BAZ2B: variants seen among roughly 807,000 people sequenced by gnomAD.
BAZ2B encodes the protein bromodomain adjacent to zinc finger domain 2B.
BAZ2B carries 91 observed loss-of-function variants against 246.0 expected under a neutral mutation model. That is an observed-to-expected ratio of 0.37 (90% CI 0.31 to 0.44). The LOEUF (loss-of-function observed/expected upper bound fraction) is 0.44, where lower values mean the gene tolerates loss of function less well. BAZ2B is among the 20% of genes least tolerant of loss of function. BAZ2B has a pLI of 1.00. For missense variants in BAZ2B, 2,332 were observed against 2,533.7 expected (o/e 0.92, Z 1.71); for synonymous variants, 855 against 860.0 (o/e 0.99, Z 0.10).
chr2:159,427,470 C>A (rs146885636), intron 13 of BAZ2B, among the ~76,000 whole-genome samples: 1 of 151,974 alleles, frequency 6.6e-6, no homozygotes, highest in African/African-American at 2.4e-5. Flanking sequence ...CAAAAAAAAA[C>A]TTATCAAACT....
chr2:159,635,901 T>C, the BAZ2B span, among the ~76,000 whole-genome samples: 1 of 151,960 alleles, frequency 6.6e-6, no homozygotes, highest in East Asian at 1.9e-4. Context: ...TATAAAAAAT[T>C]AAGAAAATAG....
At chr2:159,587,263 G>C (rs1688252892) in intron 1 of BAZ2B, among the ~76,000 whole-genome samples, 1 of 151,898 alleles carries the variant, frequency 6.6e-6, no homozygotes, top group South Asian at 2.1e-4. Context: ...TGTATTTTTA[G>C]TAGAGATGGG....
chr2:159,543,973 T>A (rs1040306888), intron 2 of BAZ2B, among the ~76,000 whole-genome samples: 1 of 152,240 alleles, frequency 6.6e-6, no homozygotes, highest in Non-Finnish European at 1.5e-5. Context: ...TCTCTTTTAA[T>A]CTCTAAATGC....
At chr2:159,438,744 G>C (rs1216573791) in intron 7 of BAZ2B, 49 bp from the exon 8 acceptor site, 31 of 1,515,958 alleles carry the variant, frequency 2.0e-5, no homozygotes, top group Non-Finnish European at 2.5e-5. Context: ...TTAAGACAAA[G>C]ACTATCAAGC....
intron 2 of BAZ2B, among the ~76,000 whole-genome samples, chr2:159,501,431 TGTGC>T (rs768213173): frequency 1.5e-4 from 23 of 148,394 alleles, no homozygotes; most frequent in Non-Finnish European, 3.0e-4. Context: ...ACACTGTGTG[TGTGC>T]GTTTGTGTGT....
chr2:159,529,128 A>G lies in BAZ2B; in HGVS notation c.-3+26695T>C, dbSNP rs557366938. On this transcript the variant is annotated intron_variant, in intron 2 of 36. Transcript: ENST00000392783. ...AAAGTATAATAAGTAAAAAAATAAAAATATACATAAAAAAATAAATAAAAC... is the reference window on the plus strand; with the variant it reads ...AAAGTATAATAAGTAAAAAAATAAAGATATACATAAAAAAATAAATAAAAC... 2.4e-3 allele frequency among the ~76,000 whole-genome samples: 359 copies of G among 152,196 alleles called. 4 individuals are homozygous for G. The highest frequency in any genetic ancestry group is 0.012 in the South Asian group (59 of 4,818).
intron 20 of BAZ2B, 32 bp downstream of exon 20, chr2:159,395,736 TA>T (rs757890922): frequency 6.5e-7 from 1 of 1,537,410 alleles, no homozygotes; most frequent in Non-Finnish European, 8.9e-7. Flanking sequence ...CATTACTTTA[TA>T]AGGTAATATT....
chr2:159,429,070 T>G (rs1399613374), intron 11 of BAZ2B, 130 bp downstream of exon 11: 2 of 567,870 alleles, frequency 3.5e-6, no homozygotes, highest in African/African-American at 1.9e-5. Flanking sequence ...GCTCCGGCTC[T>G]TCTGCTCTAA....
chr2:159,366,080 AT>A (rs1270973531), intron 27 of BAZ2B, among the ~76,000 whole-genome samples: 2 of 152,128 alleles, frequency 1.3e-5, no homozygotes, highest in Non-Finnish European at 2.9e-5. Context: ...CAGAGTTCTC[AT>A]TTGCCCTGGC....
intron 34 of BAZ2B, among the ~76,000 whole-genome samples, chr2:159,329,191 AAAC>A (rs1264250363): frequency 6.6e-6 from 1 of 151,944 alleles, no homozygotes; most frequent in Non-Finnish European, 1.5e-5. Flanking sequence ...CCTCATAACA[AAAC>A]AACAATTAAA....
chr2:159,523,103 C>CA (rs1467588018), intron 2 of BAZ2B, among the ~76,000 whole-genome samples: 1 of 151,666 alleles, frequency 6.6e-6, no homozygotes, highest in Non-Finnish European at 1.5e-5. Flanking sequence ...CCCATCTCTA[C>CA]AAAAAAATAA....
chr2:159,638,780 C>G, the BAZ2B span, among the ~76,000 whole-genome samples: 1 of 151,820 alleles, frequency 6.6e-6, no homozygotes, highest in Non-Finnish European at 1.5e-5. Context: ...AAGGGCAAAT[C>G]TAAGAGTTAC....
At chr2:159,709,150 A>T in the BAZ2B span, among the ~76,000 whole-genome samples, 1 of 151,504 alleles carries the variant, frequency 6.6e-6, no homozygotes, top group African/African-American at 2.4e-5. Context: ...AAAAAGAAAA[A>T]AAAAAAGAAG....
At chr2:159,565,958 A>C (rs1431248609) in intron 1 of BAZ2B, among the ~76,000 whole-genome samples, 1 of 152,170 alleles carries the variant, frequency 6.6e-6, no homozygotes, top group Non-Finnish European at 1.5e-5. Context: ...ATCATTTAGA[A>C]ACAATACTAT....
the BAZ2B span, among the ~76,000 whole-genome samples, chr2:159,702,409 T>C: frequency 6.6e-6 from 1 of 152,216 alleles, no homozygotes; most frequent in African/African-American, 2.4e-5. Context: ...CCAGACTTTA[T>C]AAAGACAAAT....
intron 27 of BAZ2B, among the ~76,000 whole-genome samples, chr2:159,357,641 G>A (rs1019829133): frequency 6.6e-6 from 1 of 152,030 alleles, no homozygotes; most frequent in Non-Finnish European, 1.5e-5. Flanking sequence ...CTTGAGAAGA[G>A]CAACCCCAAG....
chr2:159,485,094 A>T (rs981590141), intron 2 of BAZ2B, among the ~76,000 whole-genome samples: 4 of 152,326 alleles, frequency 2.6e-5, no homozygotes, highest in African/African-American at 9.6e-5. Flanking sequence ...GGTTTATCAG[A>T]ACCACTAAGA....
the BAZ2B span, among the ~76,000 whole-genome samples, chr2:159,703,298 T>C: frequency 6.6e-6 from 1 of 151,774 alleles, no homozygotes; most frequent in African/African-American, 2.4e-5. Flanking sequence ...TTTACCACGT[T>C]GGCCAGGCTG....
chr2:159,613,790 T>C (rs948875759), intron 1 of BAZ2B, among the ~76,000 whole-genome samples: 4 of 152,162 alleles, frequency 2.6e-5, no homozygotes, highest in Non-Finnish European at 5.9e-5. Context: ...TATTTAAACA[T>C]TTTTCACCTA....
Sources: gnomAD v4.1 joint callset for allele counts (sites outside exome capture counted in the v4.1 genomes callset) on GRCh38, gnomAD v4.1.1 for gene constraint, MANE v1.5 for transcripts, NCBI Gene and HGNC (gene_info 2026-07-23, HGNC 2026-07-21) for gene names.